Variants in DNM3 observed in about 807,000 individuals in gnomAD.
DNM3 encodes dynamin 3.
A neutral mutation model predicts 101.6 loss-of-function variants in DNM3; 47 were observed. The ratio of observed to expected loss-of-function variants is 0.46; its 90% CI spans 0.37 to 0.59. The LOEUF (loss-of-function observed/expected upper bound fraction) is 0.59, where lower values mean the gene tolerates loss of function less well. DNM3 is among the 20% of genes least tolerant of loss of function. The pLI, the probability that DNM3 is intolerant of heterozygous loss-of-function variation, is 0.00. For missense variants in DNM3, 849 were observed against 1,085.7 expected, an observed-to-expected ratio of 0.78 and a Z score of 3.06; for synonymous variants, 385 against 387.9, an observed-to-expected ratio of 0.99 and a Z score of 0.09.
At chr1:172,341,590 C>T (rs2066689028) in intron 17 of DNM3, among the ~76,000 whole-genome samples, 1 of 152,182 alleles carries the variant, frequency 6.6e-6, no homozygotes, top group Admixed American at 6.5e-5. Context: ...TGCACACCTT[C>T]AGCCATCTAA....
chr1:172,331,087 A>G (rs577579776), intron 17 of DNM3, among the ~76,000 whole-genome samples: 5 of 152,218 alleles, frequency 3.3e-5, no homozygotes, highest in Non-Finnish European at 5.9e-5. Flanking sequence ...TTCATTGCCT[A>G]TTGCTTTCAA....
chr1:172,167,682 A>G (rs1461987053), intron 14 of DNM3, among the ~76,000 whole-genome samples: 1 of 152,030 alleles, frequency 6.6e-6, no homozygotes, highest in Non-Finnish European at 1.5e-5. Flanking sequence ...AAAATTGCTG[A>G]TTCTTACTAA....
At chr1:171,897,215 A>T (rs2037893713) in intron 1 of DNM3, among the ~76,000 whole-genome samples, 2 of 152,186 alleles carry the variant, frequency 1.3e-5, no homozygotes, top group Admixed American at 1.3e-4. Flanking sequence ...AATCAGTTTT[A>T]AAAAATGGCA....
chr1:172,406,007 T>C (rs1375949652), intron 20 of DNM3, among the ~76,000 whole-genome samples: 1 of 151,930 alleles, frequency 6.6e-6, no homozygotes, highest in Non-Finnish European at 1.5e-5. Context: ...CTTTCATTCA[T>C]TCAGTTATCA....
At chr1:171,927,535 A>G (rs1451330021) in intron 2 of DNM3, among the ~76,000 whole-genome samples, 1 of 152,248 alleles carries the variant, frequency 6.6e-6, no homozygotes, top group Non-Finnish European at 1.5e-5. Context: ...TGCCAAGGGC[A>G]ATATAGCCTC....
At chr1:172,157,915 T>C (rs1459467419) in intron 14 of DNM3, among the ~76,000 whole-genome samples, 2 of 152,018 alleles carry the variant, frequency 1.3e-5, no homozygotes, top group African/African-American at 2.4e-5. Context: ...ATTCACTTAA[T>C]GTATTCAGCA....
chr1:172,094,763 G>T (rs931033379), intron 13 of DNM3, among the ~76,000 whole-genome samples: 1 of 152,190 alleles, frequency 6.6e-6, no homozygotes, highest in African/African-American at 2.4e-5. Flanking sequence ...TTTATAAAAT[G>T]AGAACAACAA....
intron 18 of DNM3, chr1:172,380,618 C>G (rs2068844130): frequency 6.6e-6 from 1 of 152,034 alleles, no homozygotes; most frequent in Admixed American, 6.6e-5. Flanking sequence ...GAGTTGAAGT[C>G]AGTTTCTTCT....
At chr1:172,042,372 C>T (rs2049449217) in intron 8 of DNM3, among the ~76,000 whole-genome samples, 1 of 152,026 alleles carries the variant, frequency 6.6e-6, no homozygotes, top group South Asian at 2.1e-4. Context: ...ATTGAGTTTC[C>T]TAGTTTGTTG....
At chr1:172,038,270 T>C (rs376813960) in intron 6 of DNM3, 49 bp from the exon 7 acceptor site, 2 of 1,606,092 alleles carry the variant, frequency 1.2e-6, no homozygotes, top group African/African-American at 1.3e-5. Flanking sequence ...CTTTAATCTG[T>C]GTATATGATT....
intron 17 of DNM3, among the ~76,000 whole-genome samples, chr1:172,362,600 CAT>C (rs2067798853): frequency 6.6e-6 from 1 of 151,966 alleles, no homozygotes; most frequent in African/African-American, 2.4e-5. Context: ...CATATATACA[CAT>C]GTCTTCCCTG....
At chr1:172,251,018 T>C (rs1163310384) in intron 14 of DNM3, among the ~76,000 whole-genome samples, 1 of 152,112 alleles carries the variant, frequency 6.6e-6, no homozygotes, top group African/African-American at 2.4e-5. Flanking sequence ...GTATTACCAA[T>C]ATAGTTTACA....
At chr1:172,030,846 A>G (rs2048551009) in intron 4 of DNM3, among the ~76,000 whole-genome samples, 1 of 152,240 alleles carries the variant, frequency 6.6e-6, no homozygotes, top group Non-Finnish European at 1.5e-5. Flanking sequence ...TCAAAACCAC[A>G]ATGAGATACC....
chr1:171,866,148 C>T (rs976603268), intron 1 of DNM3, among the ~76,000 whole-genome samples: 1 of 152,040 alleles, frequency 6.6e-6, no homozygotes, highest in Admixed American at 6.5e-5. Context: ...CTGATTTATC[C>T]TAATAACTTA....
chr1:172,271,289 G>T (rs1181489858), intron 15 of DNM3, among the ~76,000 whole-genome samples: 5 of 152,038 alleles, frequency 3.3e-5, no homozygotes, highest in Non-Finnish European at 5.9e-5. Context: ...GCTTTTATCA[G>T]CACACCACCA....
At chr1:172,037,795 G>GT (rs1482241805) in intron 6 of DNM3, among the ~76,000 whole-genome samples, 1 of 152,170 alleles carries the variant, frequency 6.6e-6, no homozygotes, top group Non-Finnish European at 1.5e-5. Context: ...GGAAGTATGA[G>GT]TAAGTTTCTG....
chr1:172,202,353 G>T (rs762702071), intron 14 of DNM3, among the ~76,000 whole-genome samples: 1 of 152,036 alleles, frequency 6.6e-6, no homozygotes, highest in Non-Finnish European at 1.5e-5. Flanking sequence ...TTTATTTTTT[G>T]AAGATTATTA....
intron 16 of DNM3, among the ~76,000 whole-genome samples, chr1:172,320,395 AAG>A (rs1317488180): frequency 3.8e-5 from 4 of 104,674 alleles, no homozygotes; most frequent in Non-Finnish European, 7.4e-5. Flanking sequence ...TAATAAAAAA[AAG>A]AAAAAAAAAA....
At chr1:172,328,840 C>CATTT (rs1176566936) in intron 17 of DNM3, among the ~76,000 whole-genome samples, 10 of 151,950 alleles carry the variant, frequency 6.6e-5, no homozygotes, top group Non-Finnish European at 7.4e-5. Context: ...TGAGTTTATT[C>CATTT]ATTTATTTAT....
Sources: allele counts gnomAD v4.1 joint callset (sites outside exome capture counted in the v4.1 genomes callset), GRCh38; gene constraint gnomAD v4.1.1; transcripts MANE v1.5; gene names NCBI Gene and HGNC (gene_info 2026-07-23, HGNC 2026-07-21).